CPED1: variants seen among roughly 807,000 people sequenced by gnomAD.
The protein encoded by CPED1 is cadherin like and PC-esterase domain containing 1.
Under a neutral mutation model 128.2 loss-of-function variants are expected in CPED1, and 114 were observed. That is an observed-to-expected ratio of 0.89 (90% CI 0.76 to 1.04). CPED1 has a LOEUF of 1.04. Among genes scored for constraint, CPED1 ranks in the 50% least tolerant of loss-of-function variants. The pLI is 0.00. For synonymous variants in CPED1, 462 were observed against 426.7 expected, an observed-to-expected ratio of 1.08 and a Z score of -1.02; for missense variants, 1,211 against 1,207.1, an observed-to-expected ratio of 1.00 and a Z score of -0.05.
At chr7:121,061,549 G>A (rs1793673833) in intron 4 of CPED1, among the ~76,000 whole-genome samples, 1 of 152,176 alleles carries the variant, frequency 6.6e-6, no homozygotes, top group Admixed American at 6.5e-5. Context: ...GGCTGTGTGT[G>A]TGTTGGGGCA....
chr7:121,178,669 A>G (rs776346744), intron 16 of CPED1, among the ~76,000 whole-genome samples: 1 of 152,122 alleles, frequency 6.6e-6, no homozygotes, highest in Non-Finnish European at 1.5e-5. Flanking sequence ...CAAAGCAGTC[A>G]ATCATGATGG....
chr7:121,055,732 A>T (rs879799968), intron 4 of CPED1, among the ~76,000 whole-genome samples: 1 of 151,870 alleles, frequency 6.6e-6, no homozygotes, highest in Non-Finnish European at 1.5e-5. Context: ...TTAATGAATG[A>T]CTTGAGCAGC....
intron 5 of CPED1, among the ~76,000 whole-genome samples, chr7:121,078,945 C>T (rs1360197382): frequency 6.6e-6 from 1 of 152,152 alleles, no homozygotes; most frequent in Non-Finnish European, 1.5e-5. Flanking sequence ...TCTTCTGGGG[C>T]CTCTCTTTGA....
chr7:121,083,800 G>A (rs763739965), intron 5 of CPED1: 6 of 152,152 alleles, frequency 3.9e-5, no homozygotes, highest in Non-Finnish European at 8.8e-5. Context: ...GCACTTTCAG[G>A]GTGGTATGGG....
At chr7:121,262,258 A>G (rs985612486) in intron 18 of CPED1, among the ~76,000 whole-genome samples, 19 of 152,032 alleles carry the variant, frequency 1.2e-4, no homozygotes, top group Non-Finnish European at 2.9e-5. Context: ...TAGCCTGCAG[A>G]ACTGTGAGCC....
chr7:121,212,693 T>C (rs994113118), intron 16 of CPED1, among the ~76,000 whole-genome samples: 6 of 84,830 alleles, frequency 7.1e-5, no homozygotes, highest in Non-Finnish European at 1.5e-4. Flanking sequence ...AAGGAATTCA[T>C]TGGAAAAAAA....
chr7:121,101,156 G>A (rs980057466), intron 7 of CPED1, among the ~76,000 whole-genome samples: 3 of 151,512 alleles, frequency 2.0e-5, no homozygotes, highest in African/African-American at 7.3e-5. Flanking sequence ...AGACTCTTTT[G>A]GTCTCTGTAC....
intron 16 of CPED1, among the ~76,000 whole-genome samples, chr7:121,225,758 C>T (rs114095382): frequency 0.012 from 1,784 of 152,178 alleles, 37 homozygotes; most frequent in African/African-American, 0.04. Context: ...CCTTCTTCTA[C>T]TTCATCGAAT....
chr7:121,049,334 G>C (rs975034737), intron 4 of CPED1, among the ~76,000 whole-genome samples: 1 of 152,212 alleles, frequency 6.6e-6, no homozygotes, highest in Non-Finnish European at 1.5e-5. Flanking sequence ...CCAAGAAGGA[G>C]GTGTCCTTGG....
chr7:121,295,475 T>C lies in CPED1; in HGVS notation c.2904T>C (p.Phe968=). 2 of 1,613,582 alleles carry C rather than the reference T, an allele frequency of 1.2e-6. No individual in the cohort carries two copies. The highest frequency in any genetic ancestry group is 1.1e-5 in the South Asian group (1 of 91,062). ...VKSKLSKEYN[F]IKMKRSRNHI... ...CAAAGTTATCCAAAGAATATAACTT[T>C]ATTAAAATGAAAAGATCAAGAAATC... The change falls in exon 23 of 23, where the codon TTT becomes TTC. Residue 968 remains phenylalanine (F), a synonymous_variant. Coordinates refer to ENST00000310396, the MANE Select transcript of CPED1 (RefSeq NM_024913.5).
intron 7 of CPED1, among the ~76,000 whole-genome samples, chr7:121,111,128 T>A (rs1380765857): frequency 2.6e-5 from 4 of 152,144 alleles, no homozygotes; most frequent in Non-Finnish European, 5.9e-5. Context: ...CACAGGTTCC[T>A]GTTCATACAG....
At chr7:121,117,610 A>T (rs1277184341) in intron 7 of CPED1, among the ~76,000 whole-genome samples, 3 of 151,944 alleles carry the variant, frequency 2.0e-5, no homozygotes, top group Non-Finnish European at 2.9e-5. Context: ...CAGCTCTCTC[A>T]GATGCATTTT....
intron 16 of CPED1, among the ~76,000 whole-genome samples, chr7:121,177,778 C>T (rs1241251690): frequency 1.3e-5 from 2 of 151,952 alleles, no homozygotes; most frequent in African/African-American, 4.8e-5. Flanking sequence ...TGCTTCTTTC[C>T]CCCTTTTTCC....
At chr7:121,236,651 A>G in intron 16 of CPED1, 63 bp from the exon 17 acceptor site, 1 of 998,136 alleles carries the variant, frequency 1.0e-6, no homozygotes, top group African/African-American at 1.6e-5. Context: ...CTTATTTTTT[A>G]GATTTTATTA....
At chr7:121,252,734 C>T (rs1385882897) in intron 18 of CPED1, among the ~76,000 whole-genome samples, 4 of 152,110 alleles carry the variant, frequency 2.6e-5, no homozygotes, top group Admixed American at 1.3e-4. Context: ...CACTGGCCAT[C>T]AGAGAAATGC....
chr7:121,079,218 A>G (rs1005010155), intron 5 of CPED1, among the ~76,000 whole-genome samples: 1 of 152,178 alleles, frequency 6.6e-6, no homozygotes, highest in Non-Finnish European at 1.5e-5. Flanking sequence ...TGGGTGGAGA[A>G]GACAGAAGGC....
chr7:121,229,299 T>C (rs1169002991), intron 16 of CPED1, among the ~76,000 whole-genome samples: 6 of 152,074 alleles, frequency 3.9e-5, no homozygotes, highest in Admixed American at 3.9e-4. Flanking sequence ...ATAGCCTAAA[T>C]AGCATAAATG....
At chr7:121,187,006 ACATT>A (rs1164379354) in intron 16 of CPED1, among the ~76,000 whole-genome samples, 1 of 152,218 alleles carries the variant, frequency 6.6e-6, no homozygotes, top group Non-Finnish European at 1.5e-5. Context: ...GCTCTGGAGC[ACATT>A]CATTCATTCA....
chr7:121,002,007 A>G (rs1408937414), intron 2 of CPED1, among the ~76,000 whole-genome samples: 1 of 152,150 alleles, frequency 6.6e-6, no homozygotes, highest in Admixed American at 6.6e-5. Context: ...ACATATATAT[A>G]TATAAAACAC....
Sources: gnomAD v4.1 joint callset for allele counts (sites outside exome capture counted in the v4.1 genomes callset) on GRCh38, gnomAD v4.1.1 for gene constraint, MANE v1.5 for transcripts, NCBI Gene and HGNC (gene_info 2026-07-23, HGNC 2026-07-21) for gene names.